ROGDI: variants seen among roughly 807,000 people sequenced by gnomAD.
ROGDI encodes the protein rogdi atypical leucine zipper.
A neutral mutation model predicts 43.1 loss-of-function variants in ROGDI; 46 were observed. The ratio of observed to expected loss-of-function variants is 1.07; its 90% CI spans 0.84 to 1.37. The LOEUF (loss-of-function observed/expected upper bound fraction) is 1.37, where lower values mean the gene tolerates loss of function less well. ROGDI is among the 40% of genes most tolerant of loss of function. ROGDI has a pLI of 0.00. For synonymous variants in ROGDI, 243 were observed against 162.0 expected, an observed-to-expected ratio of 1.50 and a Z score of -3.80; for missense variants, 518 against 383.9, an observed-to-expected ratio of 1.35 and a Z score of -2.92.
At chr16:4,799,623 A>G in intron 6 of ROGDI, 63 bp downstream of exon 6, 2 of 1,275,002 alleles carry the variant, frequency 1.6e-6, no homozygotes, top group Non-Finnish European at 2.2e-6. Flanking sequence ...ATTGGAACCC[A>G]GGTGTGATTC....
chr16:4,797,601 G>A (rs1215409141), intron 10 of ROGDI, 100 bp from the exon 11 acceptor site: 3 of 1,590,862 alleles, frequency 1.9e-6, no homozygotes, highest in East Asian at 4.5e-5. Context: ...ACAGGGCATT[G>A]CTGCCTCGCA....
chr16:4,797,759 G>C lies in ROGDI; in HGVS notation c.777C>G (p.Val259=), dbSNP rs372599256. 2 of 1,585,468 alleles carry C rather than the reference G, an allele frequency of 1.3e-6. No individual in the cohort carries two copies. The highest frequency in any genetic ancestry group is 1.7e-6 in the Non-Finnish European group (2 of 1,167,290). ...CVIPWLNDAL[V]YFTVSLQLCQ... is the part of the protein sequence containing the mutation. ...AGAGCTGCAGGGAGACGGTGAAGTAGACCAGGGCGTCGTTGAGCCAGGGGA... is the reference window on the plus strand; with the variant it reads ...AGAGCTGCAGGGAGACGGTGAAGTACACCAGGGCGTCGTTGAGCCAGGGGA... Residue 259 remains valine (V), a synonymous_variant, in exon 10 of 11, where the codon GTC becomes GTG. Transcript: ENST00000322048.
intron 2 of ROGDI, 92 bp from the exon 3 acceptor site, chr16:4,801,677 G>T: frequency 8.1e-7 from 1 of 1,239,386 alleles, no homozygotes. Context: ...CCAAGTCAGC[G>T]GGGGGAAGGA....
At chr16:4,802,298 A>G (rs1215563215) in intron 2 of ROGDI, 84 bp downstream of exon 2, 4 of 1,277,290 alleles carry the variant, frequency 3.1e-6, no homozygotes, top group Non-Finnish European at 4.3e-6. Context: ...GGCGCTCAGG[A>G]CGCAGCCGCG....
intron 7 of ROGDI, 62 bp downstream of exon 7, chr16:4,798,507 G>C (rs2141907222): frequency 1.5e-6 from 2 of 1,330,006 alleles, no homozygotes; most frequent in South Asian, 1.4e-5. Context: ...TCCATCCTGA[G>C]GGCAAGCTGG....
chr16:4,798,493 C>G lies in ROGDI; in HGVS notation c.531+76G>C, dbSNP rs8053790. 569,374 of 1,150,486 alleles carry G rather than the reference C, an allele frequency of 0.49. 144,531 individuals are homozygous for G. Among genetic ancestry groups the G allele is most frequent in the African/African-American group, 0.77 (49,637 of 64,264 alleles). 71.3% of individuals were successfully genotyped at this position (1,150,486 alleles called of 1,614,324 possible). On this transcript the variant is annotated intron_variant, in intron 7 of 10. Coordinates refer to ENST00000322048, the MANE Select transcript of ROGDI (RefSeq NM_024589.3). The stretch of plus-strand genomic sequence containing the variant: ...CTATAATCTGGGAGTGGCACCCCTC[C>G]GCGTCCATCCTGAGGGCAAGCTGGG...
chr16:4,801,778 T>G (rs1567604701), intron 2 of ROGDI, 193 bp from the exon 3 acceptor site: 1 of 608,302 alleles, frequency 1.6e-6, no homozygotes, highest in Non-Finnish European at 2.9e-6. Flanking sequence ...CGATCTCTGC[T>G]TATACCACAT....
At chr16:4,798,871 C>A in intron 6 of ROGDI, 1 of 571,118 alleles carries the variant, frequency 1.8e-6, no homozygotes, top group Non-Finnish European at 3.1e-6. Context: ...TAATGTCAGT[C>A]GGGATGGGGC....
In ROGDI at chr16:4,797,774, G is replaced by A; in HGVS notation, c.762C>T (p.Leu254=). 3 of 1,613,732 alleles carry A rather than the reference G, an allele frequency of 1.9e-6. No individual in the cohort carries two copies. The highest frequency in any genetic ancestry group is 2.5e-6 in the Non-Finnish European group (3 of 1,179,960). The change falls in exon 10 of 11, where the codon CTC becomes CTT. Residue 254 remains leucine (L), a synonymous_variant. Transcript: ENST00000322048. ...VHKVECVIPW[L]NDALVYFTVS... is the part of the protein sequence containing the mutation. ...CGGTGAAGTAGACCAGGGCGTCGTT[G>A]AGCCAGGGGATCACGCACTCCACTT...
rs1813176599 is a variant in ROGDI, at chr16:4,797,438, G to A, written c.*22C>T. 6.2e-7 allele frequency: 1 copy of A among 1,609,650 alleles called. No individual in the cohort carries two copies. The highest frequency in any genetic ancestry group is 8.5e-7 in the Non-Finnish European group (1 of 1,177,764). ...TAGGGGACGGGGCCGCCTTCCTGGA[G>A]ACAAGCTCCTGGGTGCTGTGATCAG... is the stretch of plus-strand genomic sequence containing the variant. On this transcript the variant is annotated 3_prime_UTR_variant, in exon 11 of 11. Coordinates refer to ENST00000322048, the MANE Select transcript of ROGDI (RefSeq NM_024589.3).
intron 4 of ROGDI, chr16:4,800,910 G>C: frequency 2.0e-6 from 1 of 502,246 alleles, no homozygotes; most frequent in Non-Finnish European, 3.5e-6. Context: ...GCCCAGGAGG[G>C]GGGCCTCCCC....
rs375517608 is a variant in ROGDI at position 4,799,701 on chromosome 16, G to A, written c.417C>T (p.Gly139=). ...SRDQSYQFKT[G]AEVLKLMDAV... ...GGCAGCTCACCTTGAGGACCTCAGC[G>A]CCCGTCTTGAACTGGTAGCTCTGGT... is the stretch of plus-strand genomic sequence containing the variant. The change falls in exon 6 of 11, where the codon GGC becomes GGT. Residue 139 remains glycine, a synonymous_variant. Transcript: ENST00000322048. 6.8e-4 allele frequency: 1,095 copies of A among 1,613,086 alleles called. 18 individuals carry two copies. The South Asian group carries it at 0.011, about 16-fold the overall frequency.
At chr16:4,799,598 C>T (rs1008228396) in intron 6 of ROGDI, 88 bp downstream of exon 6, 25 of 947,916 alleles carry the variant, frequency 2.6e-5, no homozygotes, top group Non-Finnish European at 3.1e-5. Flanking sequence ...CACAGCTCAA[C>T]GTGGAGGCCC....
rs1424272158 is a variant in ROGDI, at chr16:4,799,652, C to T, written c.432+34G>A. On this transcript the variant is annotated intron_variant, in intron 6 of 10. Transcript: ENST00000322048. ...GTGATTCCGGATCAAGAACGTGGGACTAGGCCCAGGAGTCAGGCCCGGGGG... is the reference window on the plus strand; with the variant it reads ...GTGATTCCGGATCAAGAACGTGGGATTAGGCCCAGGAGTCAGGCCCGGGGG... The T allele has an allele frequency of 2.0e-6, 3 of 1,533,836 alleles. No homozygotes were observed. In the East Asian group the frequency reaches 6.8e-5, roughly 35 times the overall value.
chr16:4,798,704 G>T, intron 6 of ROGDI, 37 bp from the exon 7 acceptor site: 1 of 1,470,628 alleles, frequency 6.8e-7, no homozygotes. Flanking sequence ...GCGTCCTCCC[G>T]TGTCCCCATG....
In ROGDI at chr16:4,797,834, C is replaced by T; in HGVS notation, c.702G>A (p.Trp234Ter). ...GGCTCACCTCCAGGCGCTGAGAGCC[C>T]CACTCGCTGTGGGCAGTGAGAGGGT... The part of the protein sequence containing the change: ...VLHSPGAMFE[W>*]GSQRLEVSHV... Residue 234 changes from tryptophan to a stop codon, truncating the protein, a stop_gained, in exon 10 of 11, where the codon TGG becomes TGA. Transcript: ENST00000322048. LOFTEE classifies it high-confidence loss of function. 1 of 1,611,510 alleles carries T rather than the reference C, an allele frequency of 6.2e-7. No individual in the cohort carries two copies.
intron 6 of ROGDI, chr16:4,798,879 G>T: frequency 1.8e-6 from 1 of 567,706 alleles, no homozygotes; most frequent in Non-Finnish European, 3.1e-6. Context: ...GTCGGGATGG[G>T]GCTGATTCAC....
In ROGDI at chr16:4,799,781, T is replaced by C. The variant is rs1459598727; in HGVS notation, c.337A>G (p.Ile113Val). Residue 113 changes from isoleucine (I) to valine (V), a missense_variant and splice_region_variant, in exon 6 of 11, where the codon ATC (isoleucine) becomes GTC (valine). By Grantham distance (29) the Ile-to-Val change is conservative. Coordinates refer to ENST00000322048, the MANE Select transcript of ROGDI (RefSeq NM_024589.3). ...CTCACATGGTTTCTGGCATCCTGGA[T>C]CTGGAAGCAGGGGTCATCCAGAGGG... ...REDKQWKLQQIQDARNHVSQA... is the reference protein window; with the variant it reads ...REDKQWKLQQVQDARNHVSQA... The C allele has an allele frequency of 6.2e-7, 1 of 1,612,370 alleles. No individual in the cohort carries two copies. The highest frequency in any genetic ancestry group is 1.7e-5 in the Admixed American group (1 of 59,910).
chr16:4,801,814 C>T (rs1002098387), intron 2 of ROGDI: 11 of 597,950 alleles, frequency 1.8e-5, no homozygotes, highest in Non-Finnish European at 3.3e-5. Context: ...TGTGTGCCCG[C>T]CTCGGGGAAT....
Sources: allele counts gnomAD v4.1 joint callset, GRCh38; gene constraint gnomAD v4.1.1; transcripts MANE v1.5; gene names NCBI Gene and HGNC (gene_info 2026-07-23, HGNC 2026-07-21).